The following RFTN2 variants were observed in gnomAD, a reference collection of about 807,000 sequenced individuals.
RFTN2 encodes raftlin-2.
In RFTN2, 34 loss-of-function variants were observed where a neutral mutation model predicts 52.7. The observed-to-expected ratio is 0.64, with a 90% CI of 0.49 to 0.86. The LOEUF (loss-of-function observed/expected upper bound fraction) is 0.86, where lower values mean the gene tolerates loss of function less well. Ranked by LOEUF, RFTN2 falls within the 40% of genes least tolerant of loss-of-function variation. RFTN2 has a pLI of 0.00. For synonymous variants in RFTN2, 203 were observed against 217.7 expected, an observed-to-expected ratio of 0.93 and a Z score of 0.59; for missense variants, 536 against 600.1, an observed-to-expected ratio of 0.89 and a Z score of 1.12.
chr2:197,599,316 G>A lies in RFTN2; in HGVS notation c.1155-3247C>T, dbSNP rs186635480. ...AGCTGGATAGGCTGCCTAGAGCCAT[G>A]CTGAGGACACATATTTTTCACCATC... On this transcript the variant is annotated intron_variant, in intron 7 of 8. Coordinates refer to ENST00000295049, the MANE Select transcript of RFTN2 (RefSeq NM_144629.3). 9.8e-5 allele frequency among the ~76,000 whole-genome samples: 15 copies of A among 152,286 alleles called. No homozygotes were observed. The East Asian group carries it at 2.9e-3, about 29-fold the overall frequency.
rs1481034646 is a variant in RFTN2 at position 197,595,500 on chromosome 2, AGATGAGGGAAAAG to A, written c.1233+478_1233+490del. On this transcript the variant is annotated intron_variant, in intron 8 of 8. Transcript: ENST00000295049. ...GGTGGTAAGTTGTGGACAGGTGACT[AGATGAGGGAAAAG>A]GAGTTTGGGCTTCTGGGGAAGTAAA... Among the ~76,000 whole-genome samples the A allele has an allele frequency of 3.9e-5, 6 of 152,370 alleles. No individual in the cohort carries two copies. In the South Asian group the frequency reaches 1.2e-3, roughly 32 times the overall value.
intron 8 of RFTN2, among the ~76,000 whole-genome samples, chr2:197,578,528 A>G (rs2087455036): frequency 6.6e-6 from 1 of 152,120 alleles, no homozygotes; most frequent in South Asian, 2.1e-4. Flanking sequence ...TTACCTTGTG[A>G]AATTCCTTCT....
chr2:197,589,786 T>G (rs774687973), intron 8 of RFTN2, among the ~76,000 whole-genome samples: 1 of 152,246 alleles, frequency 6.6e-6, no homozygotes, highest in Non-Finnish European at 1.5e-5. Flanking sequence ...TGAGTTTTTC[T>G]CTCCCAGTTT....
chr2:197,585,675 G>A (rs1030274781), intron 8 of RFTN2, among the ~76,000 whole-genome samples: 14 of 151,844 alleles, frequency 9.2e-5, no homozygotes, highest in Admixed American at 2.6e-4. Flanking sequence ...TTCTTCCTGT[G>A]CTTACACAGC....
At chr2:197,661,092 G>A (rs925806108) in intron 1 of RFTN2, among the ~76,000 whole-genome samples, 5 of 151,930 alleles carry the variant, frequency 3.3e-5, no homozygotes, top group Non-Finnish European at 5.9e-5. Context: ...CTCTCTACCT[G>A]TATGAGATCA....
In RFTN2 at chr2:197,633,784, CATG is replaced by C. The variant is rs745333059; in HGVS notation, c.649_651del (p.His217del). On this transcript the variant is annotated inframe_deletion, in exon 4 of 9. Coordinates refer to ENST00000295049, the MANE Select transcript of RFTN2 (RefSeq NM_144629.3). ...TGTTCCATTTGATACTGTCCACTTT[CATG>C]ATGAAGTTCTTCCTCAATTCCGCTT... 7 of 1,613,656 alleles carry C rather than the reference CATG, an allele frequency of 4.3e-6. No homozygotes were observed. The highest frequency in any genetic ancestry group is 5.9e-6 in the Non-Finnish European group (7 of 1,179,746).
chr2:197,628,776 T>C (rs1350305432), intron 5 of RFTN2, among the ~76,000 whole-genome samples: 1 of 152,064 alleles, frequency 6.6e-6, no homozygotes, highest in Non-Finnish European at 1.5e-5. Flanking sequence ...ATTCTGGGAG[T>C]CACTTTACAT....
chr2:197,587,849 G>A (rs1276269406), intron 8 of RFTN2: 7 of 330,688 alleles, frequency 2.1e-5, no homozygotes, highest in South Asian at 2.0e-4. Context: ...TTAGACTGTA[G>A]AAGTCTGAAG....
intron 8 of RFTN2, 123 bp from the exon 9 acceptor site, chr2:197,572,403 TGCTCATCTTCAACGACCA>T: frequency 1.1e-6 from 1 of 929,544 alleles, no homozygotes; most frequent in Non-Finnish European, 1.7e-6. Context: ...TTCAAAATCC[TGCTCATCTTCAACGACCA>T]GCTCAGAGCT....
chr2:197,580,968 C>T (rs1440781788), intron 8 of RFTN2, among the ~76,000 whole-genome samples: 2 of 152,150 alleles, frequency 1.3e-5, no homozygotes, highest in East Asian at 1.9e-4. Flanking sequence ...CCAAAACCTC[C>T]TTCGTGTCTT....
intron 1 of RFTN2, among the ~76,000 whole-genome samples, chr2:197,657,037 T>A (rs533104986): frequency 1.1e-4 from 17 of 151,538 alleles, no homozygotes; most frequent in Middle Eastern, 3.4e-3. Flanking sequence ...AAAAAAAAAA[T>A]TTTTTTTGGT....
Position 197,665,517 on chromosome 2 carries a change from CT to C in RFTN2, c.139+9802del. Among the ~76,000 whole-genome samples, 69 of 41,490 alleles carry C rather than the reference CT, an allele frequency of 1.7e-3. 1 individual carries two copies. Among genetic ancestry groups the C allele is most frequent in the South Asian group, 8.8e-3 (12 of 1,366 alleles). 27.2% of individuals were successfully genotyped at this position (41,490 alleles called of 152,430 possible). On this transcript the variant is annotated intron_variant, in intron 1 of 8. Coordinates refer to ENST00000295049, the MANE Select transcript of RFTN2 (RefSeq NM_144629.3). ...ATTCCTTTATCATTATGTACCTTGC[CT>C]TTTTTTTTTTTTTTTACTGTTTTCG... is the stretch of plus-strand genomic sequence containing the variant.
intron 7 of RFTN2, among the ~76,000 whole-genome samples, chr2:197,610,094 T>C (rs1032310614): frequency 1.3e-5 from 2 of 152,222 alleles, no homozygotes; most frequent in South Asian, 2.1e-4. Context: ...TTCTTGGCAA[T>C]GTGGGCTCTT....
At chr2:197,611,687 C>A (rs1247257684) in intron 7 of RFTN2, among the ~76,000 whole-genome samples, 4 of 152,100 alleles carry the variant, frequency 2.6e-5, no homozygotes, top group South Asian at 4.1e-4. Context: ...TTCTTTAGTT[C>A]TTTTAATTGT....
chr2:197,601,846 G>A (rs1345017512), intron 7 of RFTN2, among the ~76,000 whole-genome samples: 2 of 152,068 alleles, frequency 1.3e-5, no homozygotes, highest in Non-Finnish European at 2.9e-5. Context: ...CACAGGTCCT[G>A]ATGTTAGTGT....
At chr2:197,584,638 G>T (rs531458436) in intron 8 of RFTN2, among the ~76,000 whole-genome samples, 99 of 152,176 alleles carry the variant, frequency 6.5e-4, no homozygotes, top group Non-Finnish European at 9.4e-4. Context: ...GTCAATTTTG[G>T]CTTTTGTTGC....
rs962357831 is a variant in RFTN2 at position 197,570,831 on chromosome 2, T to C, written c.*1177A>G. On this transcript the variant is annotated 3_prime_UTR_variant, in exon 9 of 9. Transcript: ENST00000295049. ...AAATGATGTTTTATTATTAAAATGA[T>C]CTTACAATGTCAACATCAATGTTAA... The C allele has an allele frequency of 6.6e-6, 1 of 152,256 alleles. No individual in the cohort carries two copies. The highest frequency in any genetic ancestry group is 1.5e-5 in the Non-Finnish European group (1 of 68,048). 9.4% of individuals were successfully genotyped at this position (152,256 alleles called of 1,614,324 possible). A position where few individuals can be genotyped will look rare whatever the true frequency, so the allele number is the denominator to read the frequency against.
At chr2:197,615,119 G>A (rs962458310) in intron 7 of RFTN2, among the ~76,000 whole-genome samples, 3 of 152,212 alleles carry the variant, frequency 2.0e-5, no homozygotes, top group African/African-American at 7.2e-5. Context: ...TGCTAAACCG[G>A]GAAGGCCAGA....
At chr2:197,656,879 TAAAAC>T (rs1362804806) in intron 1 of RFTN2, among the ~76,000 whole-genome samples, 1 of 152,050 alleles carries the variant, frequency 6.6e-6, no homozygotes, top group Admixed American at 6.6e-5. Context: ...ACTAGGCTGA[TAAAAC>T]AAAGAAAGGA....
Sources: gnomAD v4.1 joint callset for allele counts (sites outside exome capture counted in the v4.1 genomes callset) on GRCh38, gnomAD v4.1.1 for gene constraint, MANE v1.5 for transcripts, NCBI Gene and HGNC (gene_info 2026-07-23, HGNC 2026-07-21) for gene names.